Variants in HSPBP1 observed in about 807,000 individuals in gnomAD.
HSPBP1 encodes hsp70-binding protein 1.
A neutral mutation model predicts 41.7 loss-of-function variants in HSPBP1; 31 were observed. That is an observed-to-expected ratio of 0.74 (90% confidence interval 0.56 to 1.00). HSPBP1 has a LOEUF of 1.00. Among genes scored for constraint, HSPBP1 ranks in the 50% least tolerant of loss-of-function variants. The pLI is 0.00. For synonymous variants in HSPBP1, 199 were observed against 214.4 expected, an observed-to-expected ratio of 0.93 and a Z score of 0.63; for missense variants, 439 against 487.9, an observed-to-expected ratio of 0.90 and a Z score of 0.94.
At chr19:55,278,923 C>CAA (rs34254075) in intron 2 of HSPBP1, among the ~76,000 whole-genome samples, 4,703 of 90,578 alleles carry the variant, frequency 0.052, 236 homozygotes, top group South Asian at 0.12. Flanking sequence ...CTGCCCCCAC[C>CAA]AAAAAAAAAA....
At chr19:55,276,348 T>G (rs2088072244) in intron 3 of HSPBP1, among the ~76,000 whole-genome samples, 1 of 152,000 alleles carries the variant, frequency 6.6e-6, no homozygotes, top group African/African-American at 2.4e-5. Flanking sequence ...GAAATAGAGG[T>G]GGTGTTGCAC....
chr19:55,264,785 G>A (rs1014770144), intron 7 of HSPBP1, among the ~76,000 whole-genome samples: 2 of 152,150 alleles, frequency 1.3e-5, no homozygotes, highest in African/African-American at 2.4e-5. Flanking sequence ...AGCACGGGAC[G>A]AATGCTAGGC....
intron 4 of HSPBP1, among the ~76,000 whole-genome samples, chr19:55,267,749 G>A (rs1467861389): frequency 1.3e-5 from 2 of 152,180 alleles, no homozygotes; most frequent in East Asian, 3.8e-4. Context: ...GTGAGCCACC[G>A]TCCCCAGTCC....
chr19:55,275,274 G>T (rs921349036), intron 3 of HSPBP1, among the ~76,000 whole-genome samples: 1 of 152,160 alleles, frequency 6.6e-6, no homozygotes, highest in African/African-American at 2.4e-5. Context: ...TAAATAAAGT[G>T]GTATTGGAGA....
In HSPBP1 at chr19:55,272,913, G is replaced by A. The variant is rs922263469; in HGVS notation, c.640+1485C>T. 2.0e-5 allele frequency among the ~76,000 whole-genome samples: 3 copies of A among 151,930 alleles called. No homozygotes were observed. Among genetic ancestry groups the A allele is most frequent in the African/African-American group, 4.8e-5 (2 of 41,324 alleles). ...TGACTGCCGATAGCCATACCACCCC[G>A]AACGCGTCTGATCACATCTAAAATT... On this transcript the variant is annotated intron_variant, in intron 4 of 7. Transcript: ENST00000433386. The surrounding 1 kb of genome is among the most constrained non-coding windows in gnomAD (Gnocchi z 4.2).
chr19:55,268,712 G>A lies in HSPBP1; in HGVS notation c.641-2426C>T, dbSNP rs1568962657. Among the ~76,000 whole-genome samples the A allele has an allele frequency of 6.6e-6, 1 of 151,782 alleles. No individual in the cohort carries two copies. The highest frequency in any genetic ancestry group is 1.5e-5 in the Non-Finnish European group (1 of 67,950). ...TTTTGAGACAGAGTCTCGCTCTGTC[G>A]CCCAGGCTGGAGTGCAGTGGCAGTT... is the stretch of plus-strand genomic sequence containing the variant. On this transcript the variant is annotated intron_variant, in intron 4 of 7. Transcript: ENST00000433386. This position sits in a 1 kb window ranked among gnomAD's most constrained non-coding sequence, Gnocchi z 4.5.
intron 4 of HSPBP1, 116 bp downstream of exon 4, chr19:55,274,281 TG>T: frequency 1.0e-6 from 1 of 1,004,126 alleles, no homozygotes; most frequent in Non-Finnish European, 1.5e-6. Flanking sequence ...CCAACAAGCA[TG>T]GGAACAAACG....
chr19:55,280,195 C>G (rs1476004132), upstream of HSPBP1: 1 of 183,212 alleles, frequency 5.5e-6, no homozygotes, highest in Non-Finnish European at 1.1e-5. Context: ...AAGCTGCTTG[C>G]CCGACTCTTA....
chr19:55,279,705 G>T lies in HSPBP1; in HGVS notation c.-94-3C>A. Reference sequence around the variant, plus strand: ...CTGATGGGTCGATTCTTGAGGGTCTGCTGAGAAGGCGGCGTTTCAGGGGAG... The same window carrying T: ...CTGATGGGTCGATTCTTGAGGGTCTTCTGAGAAGGCGGCGTTTCAGGGGAG... On this transcript the variant is annotated splice_region_variant and splice_polypyrimidine_tract_variant and intron_variant, in intron 1 of 7. Coordinates refer to ENST00000433386, the MANE Select transcript of HSPBP1 (RefSeq NM_012267.5). 6.5e-7 allele frequency: 1 copy of T among 1,537,698 alleles called. No homozygotes were observed. Among genetic ancestry groups the T allele is most frequent in the Non-Finnish European group, 8.7e-7 (1 of 1,146,510 alleles).
Position 55,272,103 on chromosome 19 carries a change from G to A in HSPBP1, c.640+2295C>T, listed in dbSNP as rs368394083. On this transcript the variant is annotated intron_variant, in intron 4 of 7. Transcript: ENST00000433386. The surrounding 1 kb of genome is among the most constrained non-coding windows in gnomAD (Gnocchi z 4.2). ...AAAAAAAAAAAGCCAACCTCGAACAGATTAAATGTAGAGTTACGATATGAC... is the reference window on the plus strand; with the variant it reads ...AAAAAAAAAAAGCCAACCTCGAACAAATTAAATGTAGAGTTACGATATGAC... Among the ~76,000 whole-genome samples, 1 of 151,536 alleles carries A rather than the reference G, an allele frequency of 6.6e-6. No individual in the cohort carries two copies. Among genetic ancestry groups the A allele is most frequent in the Admixed American group, 6.6e-5 (1 of 15,218 alleles).
chr19:55,265,130 C>G, intron 7 of HSPBP1, 148 bp downstream of exon 7: 1 of 623,910 alleles, frequency 1.6e-6, no homozygotes, highest in Non-Finnish European at 2.9e-6. Context: ...CCCCGTGTAC[C>G]TGGTCCTCCT....
upstream of HSPBP1, chr19:55,280,189 T>G (rs2088195154): frequency 5.5e-6 from 1 of 182,686 alleles, no homozygotes; most frequent in African/African-American, 2.4e-5. Flanking sequence ...CGGCTGAAGC[T>G]GCTTGCCCGA....
At chr19:55,265,485 C>T in intron 6 of HSPBP1, 96 bp from the exon 7 acceptor site, 1 of 953,562 alleles carries the variant, frequency 1.0e-6, no homozygotes, top group Non-Finnish European at 1.7e-6. Context: ...CACTCAGGAG[C>T]CTGGCAAGTC....
chr19:55,271,374 A>G (rs1600143411), intron 4 of HSPBP1, among the ~76,000 whole-genome samples: 1 of 151,918 alleles, frequency 6.6e-6, no homozygotes, highest in East Asian at 1.9e-4. Context: ...AAGATGACCT[A>G]AAGACTTCTT....
rs1400825014 is a variant in HSPBP1 at position 55,279,623 on chromosome 19, G to A, written c.-15C>T. On this transcript the variant is annotated 5_prime_UTR_variant, in exon 2 of 8. Transcript: ENST00000433386. ...TCGTCTGACATGGGCCGTTTGTGAA[G>A]AAGGGAAGAATGTGTTAGAGGGAGA... 1.3e-6 allele frequency: 2 copies of A among 1,569,826 alleles called. No individual in the cohort carries two copies. The highest frequency in any genetic ancestry group is 1.3e-5 in the African/African-American group (1 of 74,202).
Position 55,273,160 on chromosome 19 carries a change from T to C in HSPBP1, c.640+1238A>G, listed in dbSNP as rs1390958044. 2.0e-5 allele frequency among the ~76,000 whole-genome samples: 3 copies of C among 152,086 alleles called. No homozygotes were observed. In the East Asian group the frequency reaches 5.8e-4, roughly 29 times the overall value. On this transcript the variant is annotated intron_variant, in intron 4 of 7. Coordinates refer to ENST00000433386, the MANE Select transcript of HSPBP1 (RefSeq NM_012267.5). ...ACGCACCACCACGTCCAGCTAATTT[T>C]TTAATTTTTGTAGAGACAGGGGTTT...
In HSPBP1 at chr19:55,274,394, T is replaced by A. The variant is rs1349235512; in HGVS notation, c.640+4A>T. 1 of 1,024,982 alleles carries A rather than the reference T, an allele frequency of 9.8e-7. No homozygotes were observed. The highest frequency in any genetic ancestry group is 2.7e-5 in the Admixed American group (1 of 36,474). The allele number at this position is 1,024,982 out of a possible 1,614,324, so 63.5% of individuals were successfully genotyped here. On this transcript the variant is annotated splice_donor_region_variant and intron_variant, in intron 4 of 7. Transcript: ENST00000433386. ...CCTGTCCCCAGCCCCACCCGGACACTCACAGGAGATGGCGAAGAGGGCCTT... is the reference window on the plus strand; with the variant it reads ...CCTGTCCCCAGCCCCACCCGGACACACACAGGAGATGGCGAAGAGGGCCTT...
rs2087893450 is a variant in HSPBP1 at position 55,270,472 on chromosome 19, T to C, written c.640+3926A>G. 6.6e-6 allele frequency among the ~76,000 whole-genome samples: 1 copy of C among 152,116 alleles called. No individual in the cohort carries two copies. The highest frequency in any genetic ancestry group is 1.5e-5 in the Non-Finnish European group (1 of 68,016). On this transcript the variant is annotated intron_variant, in intron 4 of 7. Transcript: ENST00000433386. This position sits in a 1 kb window ranked among gnomAD's most constrained non-coding sequence, Gnocchi z 5.4. ...CTGACCACAACCTCATGCAACCTCA[T>C]GCAACCTCATGAAGACGCAAAGCCA...
rs2087950861 is a variant in HSPBP1 at position 55,272,535 on chromosome 19, A to G, written c.640+1863T>C. ...GGTACAGAATTTCTGCTTGGGGGAG[A>G]GGATGAAGATGTTCTGAAATTTTGG... On this transcript the variant is annotated intron_variant, in intron 4 of 7. Transcript: ENST00000433386. The surrounding 1 kb of genome is among the most constrained non-coding windows in gnomAD (Gnocchi z 4.2). Among the ~76,000 whole-genome samples, 1 of 151,900 alleles carries G rather than the reference A, an allele frequency of 6.6e-6. No homozygotes were observed. The highest frequency in any genetic ancestry group is 2.1e-4 in the South Asian group (1 of 4,824).
Sources: allele counts gnomAD v4.1 joint callset (sites outside exome capture counted in the v4.1 genomes callset), GRCh38; gene constraint gnomAD v4.1.1; non-coding constraint Gnocchi (gnomAD v3.1); transcripts MANE v1.5; gene names NCBI Gene and HGNC (gene_info 2026-07-23, HGNC 2026-07-21).